Variants in ARHGAP21 observed in about 807,000 individuals in gnomAD.
ARHGAP21 encodes the protein rho GTPase-activating protein 21.
A neutral mutation model predicts 164.6 loss-of-function variants in ARHGAP21; 38 were observed. The observed-to-expected ratio is 0.23, with a 90% confidence interval of 0.18 to 0.30. ARHGAP21 has a LOEUF of 0.30. Ranked by LOEUF, ARHGAP21 falls within the 10% of genes least tolerant of loss-of-function variation. ARHGAP21 has a pLI of 1.00. For synonymous variants in ARHGAP21, 766 were observed against 857.9 expected (o/e 0.89, Z 1.87); for missense variants, 1,822 against 2,370.7 (o/e 0.77, Z 4.81).
Position 24,595,747 on chromosome 10 carries a change from TGAA to T in ARHGAP21, c.3679_3681del (p.Phe1227del). 1 of 1,613,626 alleles carries T rather than the reference TGAA, an allele frequency of 6.2e-7. No individual in the cohort carries two copies. Among genetic ancestry groups the T allele is most frequent in the East Asian group, 2.2e-5 (1 of 44,814 alleles). On this transcript the variant is annotated inframe_deletion, in exon 19 of 26. Transcript: ENST00000396432. The stretch of plus-strand genomic sequence containing the variant: ...GTGAAGAGAGGCTCAGGGAGTTTTC[TGAA>T]GAAGGATTTTAGTAAACTGCTTATC...
intron 2 of ARHGAP21, among the ~76,000 whole-genome samples, chr10:24,686,494 A>G (rs1190076481): frequency 1.3e-5 from 2 of 152,216 alleles, no homozygotes; most frequent in Non-Finnish European, 2.9e-5. Flanking sequence ...GTTGTCTAAC[A>G]ACAACAAAAA....
intron 2 of ARHGAP21, among the ~76,000 whole-genome samples, chr10:24,691,763 C>T (rs1331669796): frequency 6.6e-6 from 1 of 152,070 alleles, no homozygotes; most frequent in Non-Finnish European, 1.5e-5. Flanking sequence ...GGCTAAAATA[C>T]AGAAATGACC....
Position 24,630,014 on chromosome 10 carries a change from A to G in ARHGAP21, c.477T>C (p.Asp159=). 1 of 1,572,860 alleles carries G rather than the reference A, an allele frequency of 6.4e-7. No individual in the cohort carries two copies. Among genetic ancestry groups the G allele is most frequent in the Non-Finnish European group, 8.7e-7 (1 of 1,155,022 alleles). ...AACTTACCACTTGGAGAATGTCTTC[A>G]TCTTTTGGCATAACACTAAGTTCCA... is the stretch of plus-strand genomic sequence containing the variant. The part of the protein sequence containing the change: ...TTLELSVMPK[D]EDILQVLQFT... Residue 159 remains aspartate (D), a synonymous_variant, in exon 7 of 26, where the codon GAT becomes GAC. Transcript: ENST00000396432.
In ARHGAP21 at chr10:24,666,993, T is replaced by C; in HGVS notation, c.260A>G (p.Asn87Ser). ...QFSYKDEENGNRGGKQRNRLE... is the reference protein window; with the variant it reads ...QFSYKDEENGSRGGKQRNRLE... The stretch of plus-strand genomic sequence containing the variant: ...AAATGTTTATAGCATACCTCCTCTG[T>C]TTCCATTTTCTTCATCCTACAAATG... The change falls in exon 4 of 26, where the codon AAC (asparagine) becomes AGC (serine). Residue 87 changes from asparagine to serine, a missense_variant. By Grantham distance (46) the Asn-to-Ser change is conservative (BLOSUM62 1). Coordinates refer to ENST00000396432, the MANE Select transcript of ARHGAP21 (RefSeq NM_020824.4). The C allele has an allele frequency of 7.0e-7, 1 of 1,427,470 alleles. No homozygotes were observed. The highest frequency in any genetic ancestry group is 9.6e-7 in the Non-Finnish European group (1 of 1,040,198). The allele number at this position is 1,427,470 out of a possible 1,614,324, so 88.4% of individuals were successfully genotyped here.
At chr10:24,616,246 A>C (rs1278700519) in intron 9 of ARHGAP21, among the ~76,000 whole-genome samples, 1 of 151,380 alleles carries the variant, frequency 6.6e-6, no homozygotes, top group African/African-American at 2.5e-5. Flanking sequence ...GTAAGATGAT[A>C]AAGTATATGA....
chr10:24,635,893 T>C (rs139591537), intron 4 of ARHGAP21, among the ~76,000 whole-genome samples: 75 of 152,290 alleles, frequency 4.9e-4, no homozygotes, highest in African/African-American at 1.5e-3. Context: ...AATGTAACAA[T>C]GAACAAGACA....
intron 12 of ARHGAP21, among the ~76,000 whole-genome samples, chr10:24,602,515 A>G (rs1441989640): frequency 3.3e-5 from 5 of 152,222 alleles, no homozygotes; most frequent in Admixed American, 6.5e-5. Context: ...GGAGCCAGCC[A>G]TAAAAGGTCA....
chr10:24,595,317 T>G, intron 19 of ARHGAP21, 127 bp from the exon 20 acceptor site: 1 of 870,572 alleles, frequency 1.1e-6, no homozygotes, highest in Non-Finnish European at 1.7e-6. Context: ...GAAATGTAAA[T>G]TTCTAAAATG....
chr10:24,591,131 CA>C, intron 24 of ARHGAP21, 93 bp downstream of exon 24: 1 of 1,149,812 alleles, frequency 8.7e-7, no homozygotes. Context: ...AGAAAAAAAT[CA>C]TAAGTAACAA....
chr10:24,610,880 A>G (rs1407137512), intron 9 of ARHGAP21, among the ~76,000 whole-genome samples: 1 of 152,258 alleles, frequency 6.6e-6, no homozygotes, highest in Non-Finnish European at 1.5e-5. Context: ...AAGACAACTC[A>G]TGGAAGAAAT....
intron 11 of ARHGAP21, among the ~76,000 whole-genome samples, chr10:24,604,555 A>T (rs1483234221): frequency 6.6e-6 from 1 of 152,206 alleles, no homozygotes; most frequent in Non-Finnish European, 1.5e-5. Context: ...TTCTTAATTG[A>T]TCTGGTAAAT....
chr10:24,710,871 G>A lies in ARHGAP21; in HGVS notation c.63+10966C>T, dbSNP rs1021915143. On this transcript the variant is annotated intron_variant, in intron 2 of 25. Coordinates refer to ENST00000396432, the MANE Select transcript of ARHGAP21 (RefSeq NM_020824.4). ...AGCACTTTGGGAGGCCAAGGCGGGT[G>A]GATCCCAAGGTCAGGAGTTCGAGAA... Among the ~76,000 whole-genome samples the A allele has an allele frequency of 2.0e-5, 3 of 152,082 alleles. No individual in the cohort carries two copies. The East Asian group carries it at 5.8e-4, about 29-fold the overall frequency.
At chr10:24,712,356 T>A (rs988146081) in intron 2 of ARHGAP21, among the ~76,000 whole-genome samples, 5 of 152,178 alleles carry the variant, frequency 3.3e-5, no homozygotes, top group Non-Finnish European at 7.3e-5. Context: ...AAAATAGATA[T>A]GATCTATACA....
intron 4 of ARHGAP21, among the ~76,000 whole-genome samples, chr10:24,661,401 A>T (rs192331678): frequency 2.4e-4 from 36 of 152,300 alleles, no homozygotes; most frequent in Admixed American, 1.2e-3. Flanking sequence ...GGTAAGTAAA[A>T]TAATCAGAAA....
chr10:24,620,243 T>C lies in ARHGAP21; in HGVS notation c.1652A>G (p.Lys551Arg), dbSNP rs771558851. Residue 551 changes from lysine (K) to arginine (R), a missense_variant, in exon 9 of 26, where the codon AAA (lysine) becomes AGA (arginine). Transcript: ENST00000396432. ...CERPRQQEIH[K>R]SFRGSNFTVA... The stretch of plus-strand genomic sequence containing the variant: ...AGTAAAATTGGAACCTCGAAAAGAT[T>C]TATGAATTTCTTGCTGCCTAGGTCT... 6.8e-6 allele frequency: 11 copies of C among 1,613,848 alleles called. No homozygotes were observed. The highest frequency in any genetic ancestry group is 3.3e-4 in the Middle Eastern group (2 of 6,078).
chr10:24,700,450 G>C (rs531377332), intron 2 of ARHGAP21, among the ~76,000 whole-genome samples: 1 of 152,094 alleles, frequency 6.6e-6, no homozygotes, highest in Non-Finnish European at 1.5e-5. Context: ...CAAAACCCTC[G>C]GAGTTCTCAG....
At position 24,650,484 on chromosome 10, in the gene ARHGAP21, T is replaced by C. The variant is rs367945232; in HGVS notation, c.269-15381A>G. ...AGCATCAGACTTCGATGTGCTTGCA[T>C]ATTGTTTCTAGGATAACCACTGAAA... On this transcript the variant is annotated intron_variant, in intron 4 of 25. Coordinates refer to ENST00000396432, the MANE Select transcript of ARHGAP21 (RefSeq NM_020824.4). 1.2e-4 allele frequency among the ~76,000 whole-genome samples: 18 copies of C among 152,336 alleles called. No homozygotes were observed. In the East Asian group the frequency reaches 2.9e-3, roughly 24 times the overall value.
At chr10:24,665,041 A>AGT (rs1840061590) in intron 4 of ARHGAP21, among the ~76,000 whole-genome samples, 1 of 152,210 alleles carries the variant, frequency 6.6e-6, no homozygotes, top group African/African-American at 2.4e-5. Flanking sequence ...CTGTGTGTCC[A>AGT]GTAGGTTGTC....
At chr10:24,713,865 T>C (rs1845098860) in intron 2 of ARHGAP21, among the ~76,000 whole-genome samples, 1 of 152,198 alleles carries the variant, frequency 6.6e-6, no homozygotes. Context: ...GATTAGATTG[T>C]GAAATAATTT....
Sources: allele counts gnomAD v4.1 joint callset (sites outside exome capture counted in the v4.1 genomes callset), GRCh38; gene constraint gnomAD v4.1.1; transcripts MANE v1.5; gene names NCBI Gene and HGNC (gene_info 2026-07-23, HGNC 2026-07-21).